SH3RF1: variants seen among roughly 807,000 people sequenced by gnomAD.
SH3RF1 encodes E3 ubiquitin-protein ligase SH3RF1.
Under a neutral mutation model 74.0 loss-of-function variants are expected in SH3RF1, and 32 were observed. That is an observed-to-expected ratio of 0.43 (90% CI 0.33 to 0.58). The LOEUF is 0.58. Ranked by LOEUF, SH3RF1 falls within the 20% of genes least tolerant of loss-of-function variation. SH3RF1 has a pLI of 0.05. For synonymous variants in SH3RF1, 396 were observed against 439.6 expected (o/e 0.90, Z 1.24); for missense variants, 954 against 1,130.9 (o/e 0.84, Z 2.24).
chr4:169,228,317 T>C (rs4692700), intron 2 of SH3RF1, among the ~76,000 whole-genome samples: 2 of 151,952 alleles, frequency 1.3e-5, no homozygotes, highest in Non-Finnish European at 2.9e-5. Context: ...AAATTTGTTA[T>C]CTTGCAGTTC....
intron 2 of SH3RF1, among the ~76,000 whole-genome samples, chr4:169,243,506 C>T (rs7356245): frequency 0.045 from 6,779 of 152,190 alleles, 315 homozygotes; most frequent in Admixed American, 0.15. Context: ...GAACAAGATT[C>T]CTTCTCAATA....
intron 2 of SH3RF1, among the ~76,000 whole-genome samples, chr4:169,267,288 T>A (rs1731369064): frequency 6.6e-6 from 1 of 152,216 alleles, no homozygotes; most frequent in African/African-American, 2.4e-5. Context: ...TAAGATACAG[T>A]ATTCCAGGAA....
chr4:169,232,978 G>A (rs934956776), intron 2 of SH3RF1, among the ~76,000 whole-genome samples: 4 of 152,156 alleles, frequency 2.6e-5, no homozygotes, highest in African/African-American at 9.7e-5. Context: ...GCCAAGCGCA[G>A]TGGCTCACAC....
At chr4:169,124,963 C>T (rs543864105) in intron 6 of SH3RF1, among the ~76,000 whole-genome samples, 3 of 151,918 alleles carry the variant, frequency 2.0e-5, no homozygotes, top group African/African-American at 7.3e-5. Flanking sequence ...CCAGCCCAGG[C>T]ACCAGAGGCC....
chr4:169,259,399 C>T (rs1305089823), intron 2 of SH3RF1, among the ~76,000 whole-genome samples: 1 of 152,130 alleles, frequency 6.6e-6, no homozygotes, highest in African/African-American at 2.4e-5. Context: ...CCCTTCCCAG[C>T]TACCCCGAAA....
rs144605961 is a variant in SH3RF1 at position 169,191,186 on chromosome 4, C to G, written c.394-34507G>C. Among the ~76,000 whole-genome samples, 619 of 151,560 alleles carry G rather than the reference C, an allele frequency of 4.1e-3. 6 individuals carry two copies. Among genetic ancestry groups the G allele is most frequent in the African/African-American group, 0.014 (589 of 41,362 alleles). On this transcript the variant is annotated intron_variant, in intron 2 of 11. Coordinates refer to ENST00000284637, the MANE Select transcript of SH3RF1 (RefSeq NM_020870.4). ...ACAAGACAAGGATGCCCACCGTCAC[C>G]ACTCCTCTTCAACATACAAAATTAA...
At chr4:169,238,283 G>C (rs1730850836) in intron 2 of SH3RF1, among the ~76,000 whole-genome samples, 1 of 152,212 alleles carries the variant, frequency 6.6e-6, no homozygotes, top group African/African-American at 2.4e-5. Context: ...CCGCACAGCA[G>C]GGAGAAAGGA....
Position 169,116,406 on chromosome 4 carries a change from T to A in SH3RF1, c.2002A>T (p.Ser668Cys). ...CAAAAPLTSPSITSASLEAEP... is the reference protein window; with the variant it reads ...CAAAAPLTSPCITSASLEAEP... ...GCCTCCAGAGAAGCACTGGTGATGC[T>A]TGGGGAAGTCAGTGGAGCAGCTGCT... is the stretch of plus-strand genomic sequence containing the variant. The change falls in exon 10 of 12, where the codon AGC becomes TGC. Residue 668 changes from serine (S) to cysteine (C), a missense_variant. Ser to Cys is a moderately radical substitution (Grantham distance 112, BLOSUM62 -1). Coordinates refer to ENST00000284637, the MANE Select transcript of SH3RF1 (RefSeq NM_020870.4). 1 of 1,614,102 alleles carries A rather than the reference T, an allele frequency of 6.2e-7. No homozygotes were observed. The highest frequency in any genetic ancestry group is 8.5e-7 in the Non-Finnish European group (1 of 1,180,002).
chr4:169,262,332 T>C (rs1731293016), intron 2 of SH3RF1, among the ~76,000 whole-genome samples: 1 of 152,222 alleles, frequency 6.6e-6, no homozygotes, highest in South Asian at 2.1e-4. Context: ...AGAATGCTTT[T>C]ACATACATTT....
At chr4:169,191,861 C>G (rs954310405) in intron 2 of SH3RF1, among the ~76,000 whole-genome samples, 1 of 152,092 alleles carries the variant, frequency 6.6e-6, no homozygotes, top group African/African-American at 2.4e-5. Flanking sequence ...AAAATGGATC[C>G]TCACCTCTCA....
chr4:169,219,127 A>T (rs531204570), intron 2 of SH3RF1, among the ~76,000 whole-genome samples: 1 of 152,142 alleles, frequency 6.6e-6, no homozygotes. Flanking sequence ...AAAAATTACA[A>T]TGAGGAGCTG....
intron 2 of SH3RF1, among the ~76,000 whole-genome samples, chr4:169,262,290 T>C (rs1373347716): frequency 6.6e-6 from 1 of 152,204 alleles, no homozygotes; most frequent in African/African-American, 2.4e-5. Context: ...AATAACATAT[T>C]CTTCTATATG....
chr4:169,167,825 C>T lies in SH3RF1; in HGVS notation c.394-11146G>A, dbSNP rs148798269. ...AGAAAGGTATCAAAACCTACTAGAT[C>T]GTACACTTAAGAACTGTAATTCACA... On this transcript the variant is annotated intron_variant, in intron 2 of 11. Transcript: ENST00000284637. Among the ~76,000 whole-genome samples the T allele has an allele frequency of 1.4e-3, 210 of 151,848 alleles. 2 individuals are homozygous for T. In the South Asian group the frequency reaches 0.026, roughly 19 times the overall value.
chr4:169,239,738 C>T (rs539158523), intron 2 of SH3RF1, among the ~76,000 whole-genome samples: 1 of 152,228 alleles, frequency 6.6e-6, no homozygotes, highest in African/African-American at 2.4e-5. Flanking sequence ...TAATTAAGAT[C>T]GGCCGAGTGC....
At chr4:169,202,751 C>A (rs570112907) in intron 2 of SH3RF1, among the ~76,000 whole-genome samples, 38 of 152,190 alleles carry the variant, frequency 2.5e-4, no homozygotes, top group Admixed American at 1.2e-3. Context: ...GAAAACCTAA[C>A]CCCTTTGAAT....
At chr4:169,192,876 T>C (rs928866701) in intron 2 of SH3RF1, among the ~76,000 whole-genome samples, 3 of 146,182 alleles carry the variant, frequency 2.1e-5, no homozygotes, top group African/African-American at 7.4e-5. Context: ...ATATATATCA[T>C]ATATATGTGA....
At position 169,190,107 on chromosome 4, in the gene SH3RF1, G is replaced by A. The variant is rs192368995; in HGVS notation, c.394-33428C>T. 7.9e-5 allele frequency among the ~76,000 whole-genome samples: 12 copies of A among 152,200 alleles called. No individual in the cohort carries two copies. The East Asian group carries it at 1.2e-3, about 15-fold the overall frequency. ...AAGAGGAAAGTTCATAGCCCTAAAC[G>A]CCTACATCAAAAAGTCTGAAACAGC... On this transcript the variant is annotated intron_variant, in intron 2 of 11. Coordinates refer to ENST00000284637, the MANE Select transcript of SH3RF1 (RefSeq NM_020870.4).
At chr4:169,233,647 A>G (rs1507167) in intron 2 of SH3RF1, among the ~76,000 whole-genome samples, 79,338 of 152,060 alleles carry the variant, frequency 0.52, 21,758 homozygotes, top group African/African-American at 0.7. Flanking sequence ...TTGGCTTCTG[A>G]AAAAATGGAA....
chr4:169,119,621 A>AT (rs913633881), intron 8 of SH3RF1, among the ~76,000 whole-genome samples: 7 of 152,106 alleles, frequency 4.6e-5, no homozygotes, highest in African/African-American at 1.7e-4. Context: ...CTGAATGTAG[A>AT]TTTTAACATA....
Sources: allele counts gnomAD v4.1 joint callset (sites outside exome capture counted in the v4.1 genomes callset), GRCh38; gene constraint gnomAD v4.1.1; transcripts MANE v1.5; gene names NCBI Gene and HGNC (gene_info 2026-07-23, HGNC 2026-07-21).